CHLSN: variants seen among roughly 807,000 people sequenced by gnomAD.
CHLSN encodes the protein cholesin.
At chr7:1,118,827 G>A in the CHLSN span, among the ~76,000 whole-genome samples, 1 of 141,218 alleles carries the variant, frequency 7.1e-6, no homozygotes, top group Non-Finnish European at 1.5e-5. Context: ...AAAAAAAGAG[G>A]TACTTACTTT....
chr7:1,016,091 G>GCCAGCA, the CHLSN span, among the ~76,000 whole-genome samples: 1 of 56,392 alleles, frequency 1.8e-5, no homozygotes, highest in South Asian at 4.6e-4. Context: ...ACACAGCAGC[G>GCCAGCA]CACAGCAGCA....
At chr7:990,672 G>C in the CHLSN span, among the ~76,000 whole-genome samples, 1 of 152,166 alleles carries the variant, frequency 6.6e-6, no homozygotes, top group Non-Finnish European at 1.5e-5. Context: ...CGGAGGGATG[G>C]AGGCTCGGCT....
At chr7:987,428 C>T in the CHLSN span, 4 of 1,592,630 alleles carry the variant, frequency 2.5e-6, no homozygotes, top group Non-Finnish European at 3.4e-6. Context: ...CTGCCCTACA[C>T]AAGCGCCGTG....
the CHLSN span, among the ~76,000 whole-genome samples, chr7:1,048,411 T>C: frequency 2.0e-5 from 3 of 152,126 alleles, no homozygotes; most frequent in Non-Finnish European, 4.4e-5. Context: ...CTCTGTGCAG[T>C]GCAGGCGCTA....
At chr7:987,373 G>A in the CHLSN span, 12 of 1,592,954 alleles carry the variant, frequency 7.5e-6, no homozygotes, top group African/African-American at 9.4e-5. Context: ...GCTAGACCGC[G>A]TGCTGGGCCC....
chr7:984,400 C>T, the CHLSN span: 19 of 1,545,688 alleles, frequency 1.2e-5, no homozygotes, highest in East Asian at 1.5e-4. Context: ...TGACCCCCGC[C>T]ATCCCTGCCA....
the CHLSN span, among the ~76,000 whole-genome samples, chr7:986,176 G>C: frequency 1.3e-5 from 2 of 152,110 alleles, no homozygotes; most frequent in African/African-American, 2.4e-5. Flanking sequence ...AAGGCGAGTG[G>C]CACGAGGTGT....
the CHLSN span, chr7:1,009,869 T>C: frequency 8.2e-7 from 1 of 1,218,414 alleles, no homozygotes; most frequent in Non-Finnish European, 1.1e-6. Flanking sequence ...ACACAGTGTG[T>C]GCGAGTGAAG....
At chr7:1,002,435 A>G in the CHLSN span, among the ~76,000 whole-genome samples, 3 of 45,048 alleles carry the variant, frequency 6.7e-5, no homozygotes, top group African/African-American at 9.3e-5. Flanking sequence ...GTGGGTGGGG[A>G]GTCCTGTGGG....
the CHLSN span, among the ~76,000 whole-genome samples, chr7:1,053,699 C>CAT: frequency 2.0e-5 from 3 of 152,144 alleles, no homozygotes; most frequent in African/African-American, 7.2e-5. Flanking sequence ...TGGTGGCAGT[C>CAT]GCCTGTAATC....
chr7:997,822 C>T, the CHLSN span: 17 of 1,599,440 alleles, frequency 1.1e-5, no homozygotes, highest in Non-Finnish European at 1.4e-5. Flanking sequence ...GGAAAGAGAT[C>T]GAGTTGGTCA....
At chr7:997,666 TC>T in the CHLSN span, 1 of 1,609,650 alleles carries the variant, frequency 6.2e-7, no homozygotes, top group Non-Finnish European at 8.5e-7. Flanking sequence ...CGCTGGGCCC[TC>T]CCCGGCAGGG....
chr7:1,036,462 G>C, the CHLSN span, among the ~76,000 whole-genome samples: 1 of 125,116 alleles, frequency 8.0e-6, no homozygotes, highest in South Asian at 2.6e-4. Flanking sequence ...TGGTGTGGCC[G>C]TGTAGGGTTC....
At chr7:984,849 A>T in the CHLSN span, 1 of 1,444,684 alleles carries the variant, frequency 6.9e-7, no homozygotes, top group Non-Finnish European at 9.3e-7. Flanking sequence ...GGGCCCAGCC[A>T]GTCTCGCTGC....
chr7:1,039,481 G>A, the CHLSN span, among the ~76,000 whole-genome samples: 5 of 59,684 alleles, frequency 8.4e-5, no homozygotes, highest in South Asian at 4.8e-4. Flanking sequence ...GCCTCTGCCC[G>A]GCCGCCCCTA....
chr7:1,021,399 C>T, the CHLSN span: 1 of 985,350 alleles, frequency 1.0e-6, no homozygotes, highest in Admixed American at 6.1e-5. Context: ...GTGACTGAAC[C>T]AGAGTCGGAA....
the CHLSN span, chr7:1,028,784 C>T: frequency 1.1e-6 from 1 of 875,580 alleles, no homozygotes; most frequent in Non-Finnish European, 1.4e-6. Flanking sequence ...CTGCCGCCAT[C>T]TGTCCCTATC....
chr7:1,131,780 C>G, the CHLSN span, among the ~76,000 whole-genome samples: 3 of 152,222 alleles, frequency 2.0e-5, no homozygotes, highest in Non-Finnish European at 4.4e-5. Flanking sequence ...CATTTAAAAA[C>G]TTAATCACTA....
chr7:1,092,100 C>T, the CHLSN span: 132 of 1,613,846 alleles, frequency 8.2e-5, no homozygotes, highest in East Asian at 3.8e-4. Flanking sequence ...AGCGGTACTA[C>T]GACATCGCCG....
Sources: gnomAD v4.1 joint callset for allele counts (sites outside exome capture counted in the v4.1 genomes callset) on GRCh38, gnomAD v4.1.1 for gene constraint, MANE v1.5 for transcripts, NCBI Gene and HGNC (gene_info 2026-07-23, HGNC 2026-07-21) for gene names.